Variants in LANCL2 observed in about 807,000 individuals in gnomAD.
The protein encoded by LANCL2 is lanC-like protein 2.
A neutral mutation model predicts 56.9 loss-of-function variants in LANCL2; 33 were observed. The observed-to-expected ratio is 0.58, with a 90% confidence interval of 0.44 to 0.78. The LOEUF (loss-of-function observed/expected upper bound fraction) is 0.78. Ranked by LOEUF, LANCL2 falls within the 30% of genes least tolerant of loss-of-function variation. The probability of loss-of-function intolerance (pLI) is 0.00; values close to 1 mark genes in which losing one functional copy is unlikely to be tolerated. For missense variants in LANCL2, 562 were observed against 580.2 expected (o/e 0.97, Z 0.32); for synonymous variants, 233 against 228.2 (o/e 1.02, Z -0.19).
chr7:55,419,910 T>G (rs1456169877), intron 6 of LANCL2, among the ~76,000 whole-genome samples: 1 of 152,100 alleles, frequency 6.6e-6, no homozygotes, highest in African/African-American at 2.4e-5. Flanking sequence ...TTCCAGCACT[T>G]TTGGAGGCCA....
chr7:55,386,848 T>C (rs114054187), intron 1 of LANCL2, among the ~76,000 whole-genome samples: 66 of 152,260 alleles, frequency 4.3e-4, no homozygotes, highest in African/African-American at 1.4e-3. Flanking sequence ...TTTTGGATTG[T>C]GGAATGTAGG....
intron 6 of LANCL2, among the ~76,000 whole-genome samples, chr7:55,419,400 CTTTTTTTTT>C (rs1156534780): frequency 1.8e-5 from 2 of 109,090 alleles, no homozygotes; most frequent in Non-Finnish European, 3.8e-5. Context: ...TGTTCTTTTC[CTTTTTTTTT>C]TTTTTTTTTG....
At chr7:55,428,155 C>T (rs1192027113) in intron 7 of LANCL2, 4 of 587,776 alleles carry the variant, frequency 6.8e-6, no homozygotes, top group Non-Finnish European at 1.2e-5. Flanking sequence ...TTCCCAGCAG[C>T]TGTAAGGCAG....
chr7:55,384,421 G>A (rs193219402), intron 1 of LANCL2, among the ~76,000 whole-genome samples: 270 of 152,020 alleles, frequency 1.8e-3, no homozygotes, highest in African/African-American at 6.0e-3. Context: ...GTGTGGTGGC[G>A]GGCACCTGTA....
chr7:55,392,029 A>T, intron 2 of LANCL2, 119 bp downstream of exon 2: 2 of 588,190 alleles, frequency 3.4e-6, no homozygotes, highest in South Asian at 4.0e-5. Context: ...ACGGTGGCTG[A>T]CGCCTGTAAT....
In LANCL2 at chr7:55,365,942, G is replaced by A. The variant is rs1045822533; in HGVS notation, c.-84G>A. On this transcript the variant is annotated 5_prime_UTR_variant, in exon 1 of 9. Coordinates refer to ENST00000254770, the MANE Select transcript of LANCL2 (RefSeq NM_018697.4). ...CTCCTAGAGGACGCTCTCTGCGCGG[G>A]CCCTCGGAGGAGGCGGCGGCGGGGC... The A allele has an allele frequency of 7.2e-6, 8 of 1,112,310 alleles. No individual in the cohort carries two copies. The African/African-American group carries it at 1.2e-4, about 16-fold the overall frequency. The allele number at this position is 1,112,310 out of a possible 1,614,324, so 68.9% of individuals were successfully genotyped here.
intron 2 of LANCL2, among the ~76,000 whole-genome samples, chr7:55,395,792 G>A (rs765039083): frequency 1.3e-5 from 2 of 152,208 alleles, no homozygotes; most frequent in African/African-American, 4.8e-5. Flanking sequence ...ACCAAAAACT[G>A]GCGAAACAGG....
intron 1 of LANCL2, among the ~76,000 whole-genome samples, chr7:55,374,278 A>T (rs186982406): frequency 2.0e-4 from 30 of 152,360 alleles, no homozygotes; most frequent in African/African-American, 7.0e-4. Context: ...ACACATCAAA[A>T]TTGGATTGAG....
At chr7:55,428,313 C>A (rs750287703) in intron 7 of LANCL2, 62 bp from the exon 8 acceptor site, 35 of 1,433,552 alleles carry the variant, frequency 2.4e-5, no homozygotes, top group Middle Eastern at 3.5e-4. Flanking sequence ...ATTGCATTCT[C>A]ATTTATTGCC....
At chr7:55,418,380 A>G (rs948776632) in intron 6 of LANCL2, among the ~76,000 whole-genome samples, 2 of 151,856 alleles carry the variant, frequency 1.3e-5, no homozygotes, top group African/African-American at 4.8e-5. Flanking sequence ...GGGTTTCGCC[A>G]TATTGACCAG....
chr7:55,422,796 G>C (rs1228135931), intron 6 of LANCL2, among the ~76,000 whole-genome samples: 1 of 152,138 alleles, frequency 6.6e-6, no homozygotes, highest in Non-Finnish European at 1.5e-5. Context: ...CTCTTCTGAG[G>C]GTTCACTGAT....
At chr7:55,372,949 G>C (rs1448204827) in intron 1 of LANCL2, among the ~76,000 whole-genome samples, 1 of 152,170 alleles carries the variant, frequency 6.6e-6, no homozygotes, top group Non-Finnish European at 1.5e-5. Context: ...TGGAACTCCT[G>C]TTGATGGTGG....
chr7:55,374,442 G>A (rs547279336), intron 1 of LANCL2, among the ~76,000 whole-genome samples: 8 of 152,298 alleles, frequency 5.3e-5, no homozygotes, highest in Non-Finnish European at 8.8e-5. Context: ...GCGTTATCTT[G>A]ATAGAGTCAG....
chr7:55,430,781 C>T (rs1328927668), intron 8 of LANCL2, among the ~76,000 whole-genome samples: 4 of 152,144 alleles, frequency 2.6e-5, no homozygotes, highest in Non-Finnish European at 5.9e-5. Flanking sequence ...ACCCACTGCT[C>T]AATTACTGCA....
At chr7:55,428,723 T>C (rs988310902) in intron 8 of LANCL2, among the ~76,000 whole-genome samples, 3 of 152,162 alleles carry the variant, frequency 2.0e-5, no homozygotes, top group Non-Finnish European at 2.9e-5. Context: ...ATGGAAGAAA[T>C]AGTTTACTCC....
chr7:55,400,105 G>C lies in LANCL2; in HGVS notation c.678+1G>C. ...CGTGTGTGAGTCAGCTATTAAAGAG[G>C]TACTATGGGGTATGGGTAACTATGG... On this transcript the variant is annotated splice_donor_variant, in intron 4 of 8. Coordinates refer to ENST00000254770, the MANE Select transcript of LANCL2 (RefSeq NM_018697.4). LOFTEE classifies it high-confidence loss of function. 6.3e-7 allele frequency: 1 copy of C among 1,592,244 alleles called. No homozygotes were observed. The highest frequency in any genetic ancestry group is 8.6e-7 in the Non-Finnish European group (1 of 1,165,352).
intron 5 of LANCL2, among the ~76,000 whole-genome samples, chr7:55,405,490 CTTT>C (rs35842812): frequency 3.0e-4 from 37 of 123,320 alleles, no homozygotes; most frequent in Non-Finnish European, 2.4e-4. Context: ...GGTTCAGGAA[CTTT>C]TTTTTTTTTT....
At chr7:55,377,956 G>A (rs1344279360) in intron 1 of LANCL2, among the ~76,000 whole-genome samples, 1 of 152,174 alleles carries the variant, frequency 6.6e-6, no homozygotes, top group Non-Finnish European at 1.5e-5. Flanking sequence ...AAAAAATTTT[G>A]CAGTAAGCAG....
intron 1 of LANCL2, among the ~76,000 whole-genome samples, chr7:55,368,309 T>C (rs1789898414): frequency 6.6e-6 from 1 of 152,226 alleles, no homozygotes; most frequent in Non-Finnish European, 1.5e-5. Flanking sequence ...AAAAGAAAAT[T>C]AGACTACAAG....
Sources: allele counts gnomAD v4.1 joint callset (sites outside exome capture counted in the v4.1 genomes callset), GRCh38; gene constraint gnomAD v4.1.1; transcripts MANE v1.5; gene names NCBI Gene and HGNC (gene_info 2026-07-23, HGNC 2026-07-21).